CREBBP: variants seen among roughly 807,000 people sequenced by gnomAD.
CREBBP encodes the protein CREB-binding protein.
Under a neutral mutation model 265.0 loss-of-function variants are expected in CREBBP, and 19 were observed. The ratio of observed to expected loss-of-function variants is 0.07; its 90% CI spans 0.05 to 0.11. The LOEUF (loss-of-function observed/expected upper bound fraction) is 0.11. CREBBP is among the 10% of genes least tolerant of loss of function. The pLI is 1.00. For synonymous variants in CREBBP, 1,457 were observed against 1,223.7 expected (o/e 1.19, Z -3.98); for missense variants, 2,525 against 3,219.0 (o/e 0.78, Z 5.22).
At chr16:3,823,602 T>C (rs2054181611) in intron 2 of CREBBP, among the ~76,000 whole-genome samples, 1 of 152,102 alleles carries the variant, frequency 6.6e-6, no homozygotes, top group African/African-American at 2.4e-5. Flanking sequence ...GCTTCTGCTT[T>C]TTCTCCTCAG....
chr16:3,855,603 T>C (rs957474629), intron 1 of CREBBP, among the ~76,000 whole-genome samples: 3 of 152,204 alleles, frequency 2.0e-5, no homozygotes, highest in African/African-American at 4.8e-5. Context: ...CAGTTGTTAT[T>C]GTAGAAGGTC....
At position 3,850,812 on chromosome 16, in the gene CREBBP, C is replaced by T. The variant is rs756802946; in HGVS notation, c.283G>A (p.Val95Met). 16 of 1,614,108 alleles carry T rather than the reference C, an allele frequency of 9.9e-6. No homozygotes were observed. Among genetic ancestry groups the T allele is most frequent in the Non-Finnish European group, 1.2e-5 (14 of 1,180,028 alleles). The change falls in exon 2 of 31, where the codon GTG (valine) becomes ATG (methionine). Residue 95 changes from valine to methionine, a missense_variant. Coordinates refer to ENST00000262367, the MANE Select transcript of CREBBP (RefSeq NM_004380.3). ...GCCTGGCCACCCAGGCCCTGCTGCA[C>T]GGGGCTGCTGGCGCTCACATTTCCT... is the stretch of plus-strand genomic sequence containing the variant. ...GIGNVSASSPVQQGLGGQAQG... is the reference protein window; with the variant it reads ...GIGNVSASSPMQQGLGGQAQG...
At chr16:3,802,998 G>A (rs1347806324) in intron 3 of CREBBP, among the ~76,000 whole-genome samples, 2 of 151,886 alleles carry the variant, frequency 1.3e-5, no homozygotes, top group African/African-American at 2.4e-5. Flanking sequence ...AAGCTGTGGC[G>A]CCATAAAACA....
chr16:3,740,446 C>T lies in CREBBP; in HGVS notation c.4086G>A (p.Val1362=), dbSNP rs2151340210. ...PEAGEVFVRV[V]ASSDKTVEVK... is the part of the protein sequence containing the mutation. ...CCTCCACCGTCTTGTCTGAGCTGGC[C>T]ACCACTCGGACAAAAACCTCCCCGG... is the stretch of plus-strand genomic sequence containing the variant. Residue 1362 remains valine (V), a synonymous_variant, in exon 24 of 31, where the codon GTG becomes GTA. Transcript: ENST00000262367. The T allele has an allele frequency of 6.2e-7, 1 of 1,614,134 alleles. No homozygotes were observed. Among genetic ancestry groups the T allele is most frequent in the African/African-American group, 1.3e-5 (1 of 75,034 alleles).
intron 2 of CREBBP, among the ~76,000 whole-genome samples, chr16:3,827,002 A>G (rs779768961): frequency 3.9e-5 from 6 of 152,186 alleles, no homozygotes; most frequent in Non-Finnish European, 7.3e-5. Context: ...TGTTCTCAAC[A>G]TAGAGTCTAC....
intron 2 of CREBBP, among the ~76,000 whole-genome samples, chr16:3,838,405 C>T (rs753669238): frequency 4.6e-5 from 7 of 152,154 alleles, no homozygotes; most frequent in Non-Finnish European, 5.9e-5. Flanking sequence ...CATTTCACCC[C>T]CATCAAGTGA....
Position 3,752,951 on chromosome 16 carries a change from C to T in CREBBP, c.3699-1145G>A, listed in dbSNP as rs116065093. Among the ~76,000 whole-genome samples the T allele has an allele frequency of 1.5e-3, 232 of 152,260 alleles. 1 individual carries two copies. Among genetic ancestry groups the T allele is most frequent in the African/African-American group, 5.4e-3 (224 of 41,562 alleles). ...TCAACAGAAATGCAGGCTGATGCTG[C>T]ATAAAACAAGATGAGTACACAAGAA... On this transcript the variant is annotated intron_variant, in intron 19 of 30. Transcript: ENST00000262367.
At chr16:3,806,061 A>G (rs2053823103) in intron 3 of CREBBP, among the ~76,000 whole-genome samples, 1 of 152,216 alleles carries the variant, frequency 6.6e-6, no homozygotes, top group Non-Finnish European at 1.5e-5. Context: ...AGGAACTGCC[A>G]GTCACTCGGA....
intron 1 of CREBBP, among the ~76,000 whole-genome samples, chr16:3,873,609 C>G (rs1022078541): frequency 3.3e-5 from 5 of 152,158 alleles, no homozygotes; most frequent in African/African-American, 9.7e-5. Flanking sequence ...GGCGGATATG[C>G]CAGACACACA....
chr16:3,850,205 A>T, intron 2 of CREBBP, 92 bp downstream of exon 2: 1 of 1,290,918 alleles, frequency 7.7e-7, no homozygotes, highest in East Asian at 2.3e-5. Context: ...GAGGAAAAAC[A>T]GGAGTGGGCC....
chr16:3,772,312 TTC>T (rs2053030601), intron 13 of CREBBP, among the ~76,000 whole-genome samples: 1 of 137,682 alleles, frequency 7.3e-6, no homozygotes, highest in Non-Finnish European at 1.5e-5. Flanking sequence ...AAAAAAAAAA[TTC>T]TCTCTGAAAC....
intron 2 of CREBBP, among the ~76,000 whole-genome samples, chr16:3,835,646 C>T (rs960490295): frequency 7.5e-6 from 1 of 132,698 alleles, no homozygotes; most frequent in African/African-American, 3.0e-5. Flanking sequence ...GTAGTGGGAT[C>T]TCGGGTCACT....
chr16:3,770,513 G>A lies in CREBBP; in HGVS notation c.2880+57C>T, dbSNP rs2141197755. 6.3e-6 allele frequency: 10 copies of A among 1,587,832 alleles called. No individual in the cohort carries two copies. The South Asian group carries it at 6.6e-5, about 11-fold the overall frequency. On this transcript the variant is annotated intron_variant, in intron 14 of 30. Transcript: ENST00000262367. ...GCCTGGCCTGACACACAATTTTTAT[G>A]GGAAAATTATCTTCTAAGAGTCTTG...
At chr16:3,823,554 C>A (rs913641369) in intron 2 of CREBBP, among the ~76,000 whole-genome samples, 2 of 152,174 alleles carry the variant, frequency 1.3e-5, no homozygotes, top group African/African-American at 2.4e-5. Flanking sequence ...AAGGTCGACA[C>A]CTACTCAGGA....
intron 2 of CREBBP, among the ~76,000 whole-genome samples, chr16:3,843,265 C>G (rs527576740): frequency 6.6e-6 from 1 of 152,118 alleles, no homozygotes; most frequent in East Asian, 1.9e-4. Flanking sequence ...ACCTCCTATC[C>G]TTTTTTTAAA....
At chr16:3,879,423 T>G (rs967770414) in intron 1 of CREBBP, among the ~76,000 whole-genome samples, 4 of 152,198 alleles carry the variant, frequency 2.6e-5, no homozygotes, top group African/African-American at 9.7e-5. Context: ...TGCCCTACCT[T>G]TGGCCGCGAT....
chr16:3,783,716 C>A lies in CREBBP; in HGVS notation c.1331-790G>T, dbSNP rs528778742. Among the ~76,000 whole-genome samples, 3 of 152,348 alleles carry A rather than the reference C, an allele frequency of 2.0e-5. No individual in the cohort carries two copies. In the South Asian group the frequency reaches 6.2e-4, roughly 32 times the overall value. On this transcript the variant is annotated intron_variant, in intron 5 of 30. Transcript: ENST00000262367. ...ATATTCAGGAGGTGGCTCTGCCTCA[C>A]GTGGCCAAAGTCAGCTTCTGCTACT...
intron 2 of CREBBP, among the ~76,000 whole-genome samples, chr16:3,849,432 T>TGTGTG (rs1567360237): frequency 2.4e-3 from 22 of 9,086 alleles, no homozygotes; most frequent in Non-Finnish European, 0.011. Flanking sequence ...TGTGTGTGTG[T>TGTGTG]GTGTGTGTGT....
At chr16:3,819,467 A>C (rs1366296105) in intron 2 of CREBBP, among the ~76,000 whole-genome samples, 1 of 152,244 alleles carries the variant, frequency 6.6e-6, no homozygotes, top group East Asian at 1.9e-4. Context: ...GACCATGCTT[A>C]AACAGTAATG....
Sources: gnomAD v4.1 joint callset for allele counts (sites outside exome capture counted in the v4.1 genomes callset) on GRCh38, gnomAD v4.1.1 for gene constraint, MANE v1.5 for transcripts, NCBI Gene and HGNC (gene_info 2026-07-23, HGNC 2026-07-21) for gene names.